Variants in PDE4D observed in about 807,000 individuals in gnomAD.
PDE4D encodes phosphodiesterase 4D, also known as 3',5'-cyclic-AMP phosphodiesterase 4D.
A neutral mutation model predicts 87.4 loss-of-function variants in PDE4D; 24 were observed. The observed-to-expected ratio is 0.27, with a 90% CI of 0.20 to 0.39. The LOEUF (loss-of-function observed/expected upper bound fraction) is 0.39, where lower values mean the gene tolerates loss of function less well. Ranked by LOEUF, PDE4D falls within the 10% of genes least tolerant of loss-of-function variation. The pLI is 1.00. For missense variants in PDE4D, 714 were observed against 1,041.0 expected (o/e 0.69, Z 4.32); for synonymous variants, 384 against 383.2 (o/e 1.00, Z -0.02).
intron 1 of PDE4D, among the ~76,000 whole-genome samples, chr5:59,541,829 G>A (rs1229743078): frequency 1.3e-5 from 2 of 152,044 alleles, no homozygotes; most frequent in Non-Finnish European, 2.9e-5. Context: ...GCCAGGGTGG[G>A]ACCCATTATA....
intron 1 of PDE4D, among the ~76,000 whole-genome samples, chr5:60,510,722 T>C (rs573700312): frequency 1.6e-3 from 240 of 152,332 alleles, no homozygotes; most frequent in Middle Eastern, 6.8e-3. Context: ...TGAATGATGA[T>C]GGCATGATTT....
In PDE4D at chr5:59,179,586, A is replaced by C. The variant is rs192662780; in HGVS notation, c.808+1009T>G. On this transcript the variant is annotated intron_variant, in intron 5 of 14. Coordinates refer to ENST00000340635, the MANE Select transcript of PDE4D (RefSeq NM_001104631.2). ...GACATTCAGAAAAGATGACATTAACAATGATTCCAGAATCAACTCTAATGT... is the reference window on the plus strand; with the variant it reads ...GACATTCAGAAAAGATGACATTAACCATGATTCCAGAATCAACTCTAATGT... 7.9e-4 allele frequency: 314 copies of C among 398,410 alleles called. 1 individual carries two copies. The highest frequency in any genetic ancestry group is 1.4e-3 in the Non-Finnish European group (288 of 206,814). The allele number at this position is 398,410 out of a possible 1,614,324, so 24.7% of individuals were successfully genotyped here.
At chr5:59,791,995 A>G (rs185935399) in intron 1 of PDE4D, among the ~76,000 whole-genome samples, 40 of 152,358 alleles carry the variant, frequency 2.6e-4, no homozygotes, top group Non-Finnish European at 4.7e-4. Context: ...AAAGTCTAGT[A>G]TAGGATACAA....
chr5:60,049,696 AC>A (rs1334551266), intron 2 of PDE4D, among the ~76,000 whole-genome samples: 1 of 152,128 alleles, frequency 6.6e-6, no homozygotes, highest in African/African-American at 2.4e-5. Context: ...GGGGTCAGGG[AC>A]CCATCTGAGG....
rs544002233 is a variant in PDE4D at position 59,263,361 on chromosome 5, A to G, written c.456-47393T>C. Among the ~76,000 whole-genome samples the G allele has an allele frequency of 3.9e-5, 6 of 152,040 alleles. No homozygotes were observed. The South Asian group carries it at 1.2e-3, about 31-fold the overall frequency. ...CAATAATTGTAATCCTTCAAGAGTT[A>G]GAGAAATGTACAAGGTTTCATGACA... On this transcript the variant is annotated intron_variant, in intron 1 of 14. Coordinates refer to ENST00000340635, the MANE Select transcript of PDE4D (RefSeq NM_001104631.2).
intron 1 of PDE4D, among the ~76,000 whole-genome samples, chr5:59,596,760 C>T (rs1410010944): frequency 3.3e-5 from 5 of 152,098 alleles, no homozygotes; most frequent in African/African-American, 9.7e-5. Context: ...ACTTGACTCA[C>T]TGACATCTGA....
Position 58,975,872 on chromosome 5 carries a change from C to A in PDE4D, c.1831-33G>T. ...AGATGGATGCATTCTCTATTCACTC[C>A]TGTTCCTTTTTTTTAAAAAAAAAAA... On this transcript the variant is annotated intron_variant, in intron 13 of 14. Coordinates refer to ENST00000340635, the MANE Select transcript of PDE4D (RefSeq NM_001104631.2). This position sits in a 1 kb window ranked among gnomAD's most constrained non-coding sequence, Gnocchi z 4.2. 7.5e-7 allele frequency: 1 copy of A among 1,329,942 alleles called. No homozygotes were observed. The allele number at this position is 1,329,942 out of a possible 1,614,324, so 82.4% of individuals were successfully genotyped here.
At chr5:59,451,400 A>G (rs1426183748) in intron 1 of PDE4D, among the ~76,000 whole-genome samples, 2 of 152,094 alleles carry the variant, frequency 1.3e-5, no homozygotes, top group Non-Finnish European at 2.9e-5. Flanking sequence ...ATAGCTCCCC[A>G]TCAATTTCTT....
intron 1 of PDE4D, among the ~76,000 whole-genome samples, chr5:59,285,876 A>T (rs1185368307): frequency 6.6e-6 from 1 of 152,142 alleles, no homozygotes; most frequent in Non-Finnish European, 1.5e-5. Context: ...GTTTCTCTGG[A>T]TGAAAAGGCT....
intron 1 of PDE4D, among the ~76,000 whole-genome samples, chr5:60,340,305 G>T (rs557017945): frequency 1.3e-5 from 2 of 150,406 alleles, no homozygotes; most frequent in Non-Finnish European, 1.5e-5. Context: ...CTAGGGAAAA[G>T]AAACAATAAG....
intron 1 of PDE4D, among the ~76,000 whole-genome samples, chr5:60,287,527 T>C (rs1342231272): frequency 1.3e-5 from 2 of 152,204 alleles, no homozygotes; most frequent in African/African-American, 4.8e-5. Flanking sequence ...ATATAGGAAG[T>C]AATCAGCAAA....
At chr5:59,898,990 G>GA (rs1037953670) in intron 3 of PDE4D, among the ~76,000 whole-genome samples, 1 of 152,032 alleles carries the variant, frequency 6.6e-6, no homozygotes, top group East Asian at 1.9e-4. Context: ...GCCCAAACTA[G>GA]AAAAAAGCCA....
chr5:60,317,588 C>G (rs1405990251), intron 1 of PDE4D, among the ~76,000 whole-genome samples: 1 of 151,888 alleles, frequency 6.6e-6, no homozygotes, highest in Non-Finnish European at 1.5e-5. Flanking sequence ...TTAGGGTGTC[C>G]ATTTTAGATC....
At chr5:59,965,227 C>T (rs2152813421) in intron 3 of PDE4D, among the ~76,000 whole-genome samples, 1 of 152,170 alleles carries the variant, frequency 6.6e-6, no homozygotes, top group South Asian at 2.1e-4. Flanking sequence ...CTGAATTGTC[C>T]CCCTCAGCAT....
intron 1 of PDE4D, among the ~76,000 whole-genome samples, chr5:59,448,762 A>G (rs1798711899): frequency 6.6e-6 from 1 of 152,140 alleles, no homozygotes; most frequent in African/African-American, 2.4e-5. Flanking sequence ...CCTCCTGAGT[A>G]GCTGATACTA....
intron 1 of PDE4D, among the ~76,000 whole-genome samples, chr5:60,269,924 GGGGAAGACTAAAGGCTT>G (rs1356928420): frequency 1.3e-5 from 2 of 152,152 alleles, no homozygotes; most frequent in Non-Finnish European, 2.9e-5. Context: ...GAATTGAAAT[GGGGAAGACTAAAGGCTT>G]GGGAAGACTA....
intron 2 of PDE4D, among the ~76,000 whole-genome samples, chr5:59,991,502 T>A (rs1763002744): frequency 6.6e-6 from 1 of 152,076 alleles, no homozygotes; most frequent in Non-Finnish European, 1.5e-5. Context: ...AGCAACAACA[T>A]AATATACAAA....
At chr5:59,438,950 T>C (rs1348674923) in intron 1 of PDE4D, among the ~76,000 whole-genome samples, 1 of 152,230 alleles carries the variant, frequency 6.6e-6, no homozygotes, top group African/African-American at 2.4e-5. Context: ...AGTTGTCTCC[T>C]TGTATTTAAA....
At chr5:59,136,776 G>GT (rs1324157729) in intron 5 of PDE4D, among the ~76,000 whole-genome samples, 1 of 152,172 alleles carries the variant, frequency 6.6e-6, no homozygotes. Flanking sequence ...AACATTTACT[G>GT]TAAGTAGAGC....
Sources: gnomAD v4.1 joint callset for allele counts (sites outside exome capture counted in the v4.1 genomes callset) on GRCh38, gnomAD v4.1.1 for gene constraint, Gnocchi (gnomAD v3.1) non-coding constraint, MANE v1.5 for transcripts, NCBI Gene and HGNC (gene_info 2026-07-23, HGNC 2026-07-21) for gene names.